The following POM121C variants were observed in gnomAD, a reference collection of about 807,000 sequenced individuals.
POM121C encodes POM121 transmembrane nucleoporin C.
In POM121C, 20 loss-of-function variants were observed where a neutral mutation model predicts 66.4. That is an observed-to-expected ratio of 0.30 (90% CI 0.21 to 0.44). POM121C has a LOEUF of 0.44. Among genes scored for constraint, POM121C ranks in the 20% least tolerant of loss-of-function variants. The pLI, the probability that POM121C is intolerant of heterozygous loss-of-function variation, is 1.00. For missense variants in POM121C, 580 were observed against 1,225.7 expected, an observed-to-expected ratio of 0.47 and a Z score of 7.87; for synonymous variants, 286 against 528.0, an observed-to-expected ratio of 0.54 and a Z score of 6.28.
At chr7:75,482,457 A>G (rs1381193936) in intron 1 of POM121C, among the ~76,000 whole-genome samples, 5 of 152,288 alleles carry the variant, frequency 3.3e-5, no homozygotes, top group African/African-American at 9.6e-5. Flanking sequence ...ACTTTGGGAC[A>G]CCGAGGCGGG....
chr7:75,425,018 C>T, intron 10 of POM121C, 56 bp downstream of exon 10: 1 of 1,530,736 alleles, frequency 6.5e-7, no homozygotes. Context: ...CTTAGCGTTC[C>T]TAAGACTTAG....
intron 7 of POM121C, among the ~76,000 whole-genome samples, chr7:75,437,029 C>A (rs1308949799): frequency 6.6e-6 from 1 of 152,182 alleles, no homozygotes; most frequent in African/African-American, 2.4e-5. Context: ...GTTTAAAAAC[C>A]CTGCGCTCAA....
At chr7:75,454,957 G>A (rs587634664) in intron 3 of POM121C, among the ~76,000 whole-genome samples, 2 of 152,336 alleles carry the variant, frequency 1.3e-5, no homozygotes, top group Admixed American at 1.3e-4. Context: ...GAATGGTCTC[G>A]AGCTGCTGGT....
intron 3 of POM121C, among the ~76,000 whole-genome samples, chr7:75,468,314 T>G (rs1791749356): frequency 1.3e-5 from 1 of 74,604 alleles, no homozygotes; most frequent in Non-Finnish European, 2.8e-5. Flanking sequence ...AGACTCCAGC[T>G]TTTTTTTTTT....
chr7:75,483,645 T>C (rs1448397814), intron 1 of POM121C, among the ~76,000 whole-genome samples: 17 of 152,214 alleles, frequency 1.1e-4, no homozygotes, highest in Admixed American at 1.1e-3. Context: ...CATTTTCCTT[T>C]TGTGATGACT....
chr7:75,439,153 A>G lies in POM121C; in HGVS notation c.299T>C (p.Phe100Ser). ...PLVASGVPAS[F>S]VPKPGSLKRG... ...ATGGACTCGCACTTACTTAGGCACA[A>G]AAGAAGCGGGGACTCCACTGGCCAC... Residue 100 changes from phenylalanine (F) to serine (S), a missense_variant, in exon 6 of 15, where the codon TTT (phenylalanine) becomes TCT (serine). Transcript: ENST00000615331. 6.2e-7 allele frequency: 1 copy of G among 1,614,252 alleles called. No homozygotes were observed. Among genetic ancestry groups the G allele is most frequent in the Non-Finnish European group, 8.5e-7 (1 of 1,180,046 alleles).
At chr7:75,478,274 G>A (rs1402885421) in intron 1 of POM121C, among the ~76,000 whole-genome samples, 3 of 152,132 alleles carry the variant, frequency 2.0e-5, no homozygotes, top group East Asian at 1.9e-4. Flanking sequence ...GGCTGAAGCA[G>A]TGGTTTTCAA....
chr7:75,469,652 T>A (rs587669455), intron 3 of POM121C, among the ~76,000 whole-genome samples: 1 of 152,354 alleles, frequency 6.6e-6, no homozygotes, highest in Non-Finnish European at 1.5e-5. Context: ...ACAATCCTTA[T>A]GATCCTCACC....
intron 7 of POM121C, among the ~76,000 whole-genome samples, chr7:75,433,932 T>C (rs1324920249): frequency 6.6e-6 from 1 of 152,204 alleles, no homozygotes; most frequent in Non-Finnish European, 1.5e-5. Flanking sequence ...GTAGGATAAC[T>C]TCCTAAAGGT....
At chr7:75,455,861 C>T (rs1311691647) in intron 3 of POM121C, among the ~76,000 whole-genome samples, 27 of 152,158 alleles carry the variant, frequency 1.8e-4, no homozygotes, top group Non-Finnish European at 2.5e-4. Flanking sequence ...GGCTGTATCT[C>T]GCCTATCTTT....
At chr7:75,474,124 T>G (rs1220108520) in intron 3 of POM121C, among the ~76,000 whole-genome samples, 1 of 152,158 alleles carries the variant, frequency 6.6e-6, no homozygotes, top group African/African-American at 2.4e-5. Context: ...CCGGGAGCAG[T>G]GGCTCAGGAC....
intron 1 of POM121C, among the ~76,000 whole-genome samples, chr7:75,483,128 G>A (rs587687759): frequency 0.013 from 1,914 of 152,152 alleles, 17 homozygotes; most frequent in South Asian, 0.021. Flanking sequence ...CTTGGATCAC[G>A]ATATTTCCGT....
chr7:75,481,190 T>A (rs1477970374), intron 1 of POM121C, among the ~76,000 whole-genome samples: 2 of 150,386 alleles, frequency 1.3e-5, no homozygotes, highest in Non-Finnish European at 3.0e-5. Flanking sequence ...TGAAATGATT[T>A]CAAAATAAAA....
chr7:75,424,850 C>T (rs1295584874), intron 10 of POM121C: 1 of 1,076,042 alleles, frequency 9.3e-7, no homozygotes, highest in Non-Finnish European at 1.3e-6. Flanking sequence ...ATCCCAGCTA[C>T]TTGGGAGGCT....
At chr7:75,470,178 A>G (rs1791815378) in intron 3 of POM121C, among the ~76,000 whole-genome samples, 1 of 125,140 alleles carries the variant, frequency 8.0e-6, no homozygotes, top group African/African-American at 2.9e-5. Context: ...GGTTACAGGC[A>G]TGAGCCACCA....
chr7:75,442,588 G>A (rs1297502351), intron 3 of POM121C: 97 of 1,492,688 alleles, frequency 6.5e-5, no homozygotes, highest in Non-Finnish European at 8.2e-5. Flanking sequence ...GGTACAGTAG[G>A]AGGCCGACCA....
At chr7:75,436,479 TTAAGG>T (rs1790415830) in intron 7 of POM121C, among the ~76,000 whole-genome samples, 4 of 152,214 alleles carry the variant, frequency 2.6e-5, no homozygotes, top group Non-Finnish European at 5.9e-5. Flanking sequence ...TTAAATAATA[TTAAGG>T]TTAATAATTT....
chr7:75,439,258 A>C (rs1554473509), intron 5 of POM121C, 34 bp from the exon 6 acceptor site: 3 of 1,613,590 alleles, frequency 1.9e-6, no homozygotes, highest in Non-Finnish European at 2.5e-6. Context: ...AAATGAAATG[A>C]CATGACTTTG....
At chr7:75,479,616 T>TAAAC (rs1713369191) in intron 1 of POM121C, among the ~76,000 whole-genome samples, 2 of 38,490 alleles carry the variant, frequency 5.2e-5, no homozygotes, top group Admixed American at 6.4e-4. Context: ...ACTCTGTCTC[T>TAAAC]AAATAAATAA....
Sources: gnomAD v4.1 joint callset for allele counts (sites outside exome capture counted in the v4.1 genomes callset) on GRCh38, gnomAD v4.1.1 for gene constraint, MANE v1.5 for transcripts, NCBI Gene and HGNC (gene_info 2026-07-23, HGNC 2026-07-21) for gene names.